KCNH7: variants seen among roughly 807,000 people sequenced by gnomAD.
KCNH7 encodes the protein voltage-gated inwardly rectifying potassium channel KCNH7.
A neutral mutation model predicts 120.8 loss-of-function variants in KCNH7; 49 were observed. That is an observed-to-expected ratio of 0.41 (90% CI 0.32 to 0.51). The LOEUF is 0.51. Among genes scored for constraint, KCNH7 ranks in the 20% least tolerant of loss-of-function variants. The probability of loss-of-function intolerance (pLI) is 0.38; values close to 1 mark genes in which losing one functional copy is unlikely to be tolerated. For missense variants in KCNH7, 1,097 were observed against 1,446.6 expected (o/e 0.76, Z 3.92); for synonymous variants, 547 against 516.1 (o/e 1.06, Z -0.81).
chr2:162,403,405 T>C (rs1018942295), intron 9 of KCNH7, among the ~76,000 whole-genome samples: 2 of 151,988 alleles, frequency 1.3e-5, no homozygotes, highest in Non-Finnish European at 2.9e-5. Flanking sequence ...GTATTTGCAC[T>C]TAGGTTGTCA....
At chr2:162,601,193 A>C (rs1265578009) in intron 2 of KCNH7, among the ~76,000 whole-genome samples, 1 of 151,976 alleles carries the variant, frequency 6.6e-6, no homozygotes, top group African/African-American at 2.4e-5. Context: ...CCAGTTTATG[A>C]AAGTCTGAGG....
At chr2:162,810,441 A>G (rs1323028977) in intron 2 of KCNH7, among the ~76,000 whole-genome samples, 1 of 152,212 alleles carries the variant, frequency 6.6e-6, no homozygotes, top group East Asian at 1.9e-4. Context: ...GCATCACATC[A>G]TAGGATACAT....
At chr2:162,429,894 C>A (rs1214261787) in intron 8 of KCNH7, among the ~76,000 whole-genome samples, 1 of 144,832 alleles carries the variant, frequency 6.9e-6, no homozygotes, top group Non-Finnish European at 1.5e-5. Context: ...TTTTTGCTTG[C>A]CTTCATCATC....
chr2:162,532,491 A>G (rs569404095), intron 3 of KCNH7, among the ~76,000 whole-genome samples: 1 of 152,120 alleles, frequency 6.6e-6, no homozygotes, highest in East Asian at 1.9e-4. Context: ...AGTTGATGTA[A>G]GAAAAGAATG....
At chr2:162,761,645 A>G (rs1202091058) in intron 2 of KCNH7, among the ~76,000 whole-genome samples, 6 of 152,130 alleles carry the variant, frequency 3.9e-5, no homozygotes, top group Non-Finnish European at 7.4e-5. Context: ...GTCGATGTCC[A>G]AGTCTTAGTG....
intron 2 of KCNH7, among the ~76,000 whole-genome samples, chr2:162,736,966 C>T (rs543706133): frequency 2.6e-5 from 4 of 151,960 alleles, no homozygotes; most frequent in African/African-American, 7.2e-5. Flanking sequence ...ATTCATAGAT[C>T]GAGGCACCTA....
At chr2:162,710,623 G>T (rs1424698982) in intron 2 of KCNH7, among the ~76,000 whole-genome samples, 1 of 152,202 alleles carries the variant, frequency 6.6e-6, no homozygotes, top group East Asian at 1.9e-4. Context: ...TTCGGGGAAA[G>T]TTGTATGCAT....
chr2:162,487,659 A>C (rs1349116037), intron 6 of KCNH7, among the ~76,000 whole-genome samples: 1 of 152,236 alleles, frequency 6.6e-6, no homozygotes, highest in Non-Finnish European at 1.5e-5. Context: ...ATCTAACTGC[A>C]TATTTTTCCA....
In KCNH7 at chr2:162,384,798, C is replaced by T; in HGVS notation, c.2852G>A (p.Gly951Glu). ...IDDEQKPLFS[G>E]IVDSSPGIGK... is the part of the protein sequence containing the mutation. ...TATTCCTGGAGAAGAGTCTACTATT[C>T]CTGAGAAGAGCGGCTTTTGTTCATC... The change falls in exon 13 of 16, where the codon GGA (glycine) becomes GAA (glutamate). Residue 951 changes from glycine to glutamate, a missense_variant. By Grantham distance (98) the Gly-to-Glu change is moderately conservative (BLOSUM62 -2). This residue lies in a region of KCNH7 where 406 missense variants were observed against 410.5 expected (regional missense o/e 0.99). Coordinates refer to ENST00000332142, the MANE Select transcript of KCNH7 (RefSeq NM_033272.4). 1 of 1,612,846 alleles carries T rather than the reference C, an allele frequency of 6.2e-7. No individual in the cohort carries two copies. Among genetic ancestry groups the T allele is most frequent in the Non-Finnish European group, 8.5e-7 (1 of 1,179,140 alleles).
intron 2 of KCNH7, among the ~76,000 whole-genome samples, chr2:162,750,230 G>A (rs1446738385): frequency 2.0e-5 from 3 of 152,064 alleles, no homozygotes; most frequent in African/African-American, 7.2e-5. Context: ...ATGAGTTACA[G>A]AGAAAGTCAA....
intron 2 of KCNH7, among the ~76,000 whole-genome samples, chr2:162,748,851 C>T (rs1351595635): frequency 1.9e-4 from 17 of 88,342 alleles, no homozygotes; most frequent in Admixed American, 2.1e-4. Context: ...CCCTCCCTCC[C>T]CTCCCCTTCC....
chr2:162,514,541 A>C (rs1691216716), intron 4 of KCNH7, among the ~76,000 whole-genome samples: 1 of 151,790 alleles, frequency 6.6e-6, no homozygotes, highest in Admixed American at 6.6e-5. Context: ...TCTGCTTGTT[A>C]TTCTTCCATG....
intron 12 of KCNH7, among the ~76,000 whole-genome samples, chr2:162,387,452 A>C (rs1465870963): frequency 1.3e-5 from 2 of 151,496 alleles, no homozygotes; most frequent in African/African-American, 4.8e-5. Flanking sequence ...GTTAAACTGA[A>C]TTATTTGATA....
intron 6 of KCNH7, among the ~76,000 whole-genome samples, chr2:162,478,256 C>T (rs1286701707): frequency 1.3e-5 from 2 of 152,096 alleles, no homozygotes; most frequent in Non-Finnish European, 2.9e-5. Flanking sequence ...GTCCATTTTC[C>T]ATTGCCAATT....
At chr2:162,490,373 T>C (rs1690253455) in intron 6 of KCNH7, among the ~76,000 whole-genome samples, 1 of 152,248 alleles carries the variant, frequency 6.6e-6, no homozygotes, top group Admixed American at 6.5e-5. Context: ...AGGATTTCTC[T>C]TTTTGCTGAG....
At chr2:162,456,830 T>A (rs1688978663) in intron 6 of KCNH7, among the ~76,000 whole-genome samples, 1 of 152,144 alleles carries the variant, frequency 6.6e-6, no homozygotes, top group African/African-American at 2.4e-5. Context: ...TTCAAACCCC[T>A]GCTTTTTTTT....
chr2:162,484,246 CACAG>C lies in KCNH7; in HGVS notation c.1128+20193_1128+20196del, dbSNP rs1332520765. ...ACACACACACACACACACACACACACACAGAGAGACACACACACACAGTCTTAAG... is the reference window on the plus strand; with the variant it reads ...ACACACACACACACACACACACACACAGAGACACACACACACAGTCTTAAG... On this transcript the variant is annotated intron_variant, in intron 6 of 15. Coordinates refer to ENST00000332142, the MANE Select transcript of KCNH7 (RefSeq NM_033272.4). Among the ~76,000 whole-genome samples the C allele has an allele frequency of 8.0e-5, 12 of 150,604 alleles. No homozygotes were observed. In the South Asian group the frequency reaches 2.5e-3, roughly 32 times the overall value.
chr2:162,823,953 T>C (rs1055567353), intron 2 of KCNH7, among the ~76,000 whole-genome samples: 3 of 152,114 alleles, frequency 2.0e-5, no homozygotes, highest in Admixed American at 2.0e-4. Context: ...TCTTTTACAC[T>C]CGAAATTAAT....
intron 2 of KCNH7, among the ~76,000 whole-genome samples, chr2:162,728,704 G>A (rs1254792630): frequency 2.0e-5 from 3 of 152,148 alleles, no homozygotes; most frequent in African/African-American, 2.4e-5. Context: ...CTTGAACCCA[G>A]GAGGCAGAGG....
Sources: allele counts gnomAD v4.1 joint callset (sites outside exome capture counted in the v4.1 genomes callset), GRCh38; gene constraint gnomAD v4.1.1; regional missense constraint gnomAD v4.1.1; transcripts MANE v1.5; gene names NCBI Gene and HGNC (gene_info 2026-07-23, HGNC 2026-07-21).